The following NR2F1-AS1 variants were observed in gnomAD, a reference collection of about 807,000 sequenced individuals.
The protein encoded by NR2F1-AS1 is NR2F1 regulatory antisense RNA 1.
At chr5:93,542,746 G>A (rs1018301680) in intron 4 of NR2F1-AS1, 1 of 152,194 alleles carries the variant, frequency 6.6e-6, no homozygotes, top group African/African-American at 2.4e-5. Context: ...ACATTTGCCT[G>A]TTGGCAAATT....
intron 4 of NR2F1-AS1, among the ~76,000 whole-genome samples, chr5:93,533,526 A>G (rs1751775642): frequency 6.6e-6 from 1 of 152,108 alleles, no homozygotes; most frequent in African/African-American, 2.4e-5. Flanking sequence ...TTGCCTGGAT[A>G]CTTCACAGCA....
chr5:93,448,417 C>T (rs1749762120), intron 4 of NR2F1-AS1, among the ~76,000 whole-genome samples: 1 of 152,280 alleles, frequency 6.6e-6, no homozygotes, highest in African/African-American at 2.4e-5. Flanking sequence ...AAAAATTTAA[C>T]ATGAAATGCA....
chr5:93,484,158 C>T (rs1047825826), intron 4 of NR2F1-AS1, among the ~76,000 whole-genome samples: 4 of 152,098 alleles, frequency 2.6e-5, no homozygotes, highest in African/African-American at 9.7e-5. Context: ...GTCAGATTCA[C>T]CAAGGTTGAA....
At chr5:93,508,550 A>G (rs1418907223) in intron 4 of NR2F1-AS1, among the ~76,000 whole-genome samples, 1 of 152,142 alleles carries the variant, frequency 6.6e-6, no homozygotes, top group African/African-American at 2.4e-5. Context: ...ACATCAAAAT[A>G]GGAAAAGCTT....
intron 4 of NR2F1-AS1, among the ~76,000 whole-genome samples, chr5:93,489,241 TA>T (rs981840465): frequency 2.3e-3 from 327 of 139,500 alleles, no homozygotes; most frequent in Non-Finnish European, 2.2e-3. Flanking sequence ...GAGTATAATT[TA>T]AAAAAAAAAA....
At chr5:93,460,326 C>A (rs969779258) in intron 4 of NR2F1-AS1, among the ~76,000 whole-genome samples, 4 of 152,140 alleles carry the variant, frequency 2.6e-5, no homozygotes, top group African/African-American at 7.2e-5. Context: ...CCAGACCCCA[C>A]GCAGCACCGG....
chr5:93,528,576 T>G (rs534794173), intron 4 of NR2F1-AS1, among the ~76,000 whole-genome samples: 17 of 152,252 alleles, frequency 1.1e-4, no homozygotes, highest in South Asian at 6.2e-4. Flanking sequence ...TATAAATCAT[T>G]CTACTATAAA....
intron 4 of NR2F1-AS1, among the ~76,000 whole-genome samples, chr5:93,528,627 T>C (rs1235001547): frequency 6.6e-6 from 1 of 152,096 alleles, no homozygotes; most frequent in Non-Finnish European, 1.5e-5. Flanking sequence ...CTATTCACAA[T>C]AGCAAAGACT....
At chr5:93,448,111 A>C (rs1426682821) in intron 4 of NR2F1-AS1, among the ~76,000 whole-genome samples, 3 of 152,140 alleles carry the variant, frequency 2.0e-5, no homozygotes, top group Non-Finnish European at 4.4e-5. Context: ...ATACAAGTTA[A>C]TGGGTACAGC....
chr5:93,412,792 C>T (rs989404114), intron 4 of NR2F1-AS1, among the ~76,000 whole-genome samples: 12 of 152,224 alleles, frequency 7.9e-5, no homozygotes, highest in Admixed American at 7.2e-4. Context: ...TACCACCACT[C>T]GTGACTCTAA....
intron 4 of NR2F1-AS1, among the ~76,000 whole-genome samples, chr5:93,447,844 A>G (rs1749748677): frequency 6.6e-6 from 1 of 152,222 alleles, no homozygotes; most frequent in Non-Finnish European, 1.5e-5. Context: ...GGTGGCACAT[A>G]TACACCATGG....
chr5:93,419,243 C>T (rs960997191), intron 4 of NR2F1-AS1, among the ~76,000 whole-genome samples: 2 of 152,038 alleles, frequency 1.3e-5, no homozygotes, highest in Non-Finnish European at 2.9e-5. Flanking sequence ...TGATGGACAA[C>T]ATGTATAGAG....
At chr5:93,519,665 T>C (rs1357917670) in intron 4 of NR2F1-AS1, among the ~76,000 whole-genome samples, 1 of 152,034 alleles carries the variant, frequency 6.6e-6, no homozygotes, top group Non-Finnish European at 1.5e-5. Flanking sequence ...ACATGCATGT[T>C]AGAATCACCA....
chr5:93,534,790 C>A (rs1751805697), intron 4 of NR2F1-AS1, among the ~76,000 whole-genome samples: 1 of 152,114 alleles, frequency 6.6e-6, no homozygotes, highest in African/African-American at 2.4e-5. Flanking sequence ...ATTTAAAAAC[C>A]TCTATTGGTC....
chr5:93,498,230 T>C (rs1024484164), intron 4 of NR2F1-AS1, among the ~76,000 whole-genome samples: 6 of 151,946 alleles, frequency 3.9e-5, no homozygotes, highest in African/African-American at 1.4e-4. Context: ...ATAATAATAA[T>C]AATAATATAT....
At chr5:93,573,164 C>T (rs925749205) in intron 1 of NR2F1-AS1, among the ~76,000 whole-genome samples, 18 of 152,248 alleles carry the variant, frequency 1.2e-4, no homozygotes, top group Admixed American at 1.1e-3. Flanking sequence ...CCGCAGCTCC[C>T]TGCCGAAGGC....
rs545315342 is a variant in NR2F1-AS1, at chr5:93,575,831, G to T, written n.313+4636C>A. On this transcript the variant is annotated intron_variant and non_coding_transcript_variant, in intron 1 of 5. Transcript: ENST00000660523. ...AGACTGCTTGTTAGAGAATTCTAAG[G>T]TAGACGTGTGTGCATACTTATGCAT... Among the ~76,000 whole-genome samples the T allele has an allele frequency of 3.3e-5, 5 of 152,270 alleles. No homozygotes were observed. The South Asian group carries it at 1.0e-3, about 32-fold the overall frequency.
chr5:93,498,523 C>T (rs1189183160), intron 4 of NR2F1-AS1, among the ~76,000 whole-genome samples: 2 of 152,110 alleles, frequency 1.3e-5, no homozygotes. Flanking sequence ...GACTTATACA[C>T]TTCCAAGCTA....
intron 1 of NR2F1-AS1, among the ~76,000 whole-genome samples, chr5:93,572,737 T>C (rs1231565374): frequency 6.6e-6 from 1 of 152,246 alleles, no homozygotes; most frequent in Non-Finnish European, 1.5e-5. Flanking sequence ...TTTAAAAGTA[T>C]ATTAAAGGAT....
Sources: gnomAD v4.1 joint callset for allele counts (sites outside exome capture counted in the v4.1 genomes callset) on GRCh38, gnomAD v4.1.1 for gene constraint, MANE v1.5 for transcripts, NCBI Gene and HGNC (gene_info 2026-07-23, HGNC 2026-07-21) for gene names.